The following STARD13 variants were observed in gnomAD, a reference collection of about 807,000 sequenced individuals.
STARD13 encodes StAR related lipid transfer domain containing 13, also known as stAR-related lipid transfer protein 13.
In STARD13, 62 loss-of-function variants were observed where a neutral mutation model predicts 106.4. That is an observed-to-expected ratio of 0.58 (90% CI 0.48 to 0.72). The LOEUF (loss-of-function observed/expected upper bound fraction) is 0.72, where lower values mean the gene tolerates loss of function less well. Ranked by LOEUF, STARD13 falls within the 30% of genes least tolerant of loss-of-function variation. The probability of loss-of-function intolerance (pLI) is 0.00; values close to 1 mark genes in which losing one functional copy is unlikely to be tolerated. For missense variants in STARD13, 1,387 were observed against 1,424.0 expected (o/e 0.97, Z 0.42); for synonymous variants, 565 against 553.0 (o/e 1.02, Z -0.31).
chr13:33,662,320 TC>T, the STARD13 span, among the ~76,000 whole-genome samples: 2 of 152,208 alleles, frequency 1.3e-5, no homozygotes, highest in Non-Finnish European at 2.9e-5. Context: ...TGTCTGGGTT[TC>T]CCAATCAGTT....
chr13:33,306,333 G>A (rs1319808695), intron 1 of STARD13, among the ~76,000 whole-genome samples: 3 of 152,016 alleles, frequency 2.0e-5, no homozygotes, highest in African/African-American at 4.8e-5. Context: ...AACTCAATAT[G>A]AATTAAATAC....
At chr13:33,155,037 C>T (rs1041064618) in intron 3 of STARD13, among the ~76,000 whole-genome samples, 2 of 152,046 alleles carry the variant, frequency 1.3e-5, no homozygotes, top group African/African-American at 4.8e-5. Flanking sequence ...ACTCTTAGTC[C>T]TCTCCTCACT....
At chr13:33,580,645 G>A in the STARD13 span, among the ~76,000 whole-genome samples, 1 of 151,964 alleles carries the variant, frequency 6.6e-6, no homozygotes, top group African/African-American at 2.4e-5. Flanking sequence ...TATTGTGGAG[G>A]GCAGCAGTAA....
chr13:33,515,733 G>T, the STARD13 span, among the ~76,000 whole-genome samples: 1 of 152,072 alleles, frequency 6.6e-6, no homozygotes, highest in African/African-American at 2.4e-5. Flanking sequence ...GAAAGTCCAC[G>T]GTGAGGGATA....
At position 33,300,372 on chromosome 13, in the gene STARD13, G is replaced by A. The variant is rs74447045; in HGVS notation, c.124+49918C>T. 3.9e-3 allele frequency among the ~76,000 whole-genome samples: 587 copies of A among 152,284 alleles called. 6 individuals carry two copies. The highest frequency in any genetic ancestry group is 0.014 in the African/African-American group (569 of 41,550). The stretch of plus-strand genomic sequence containing the variant: ...TAGAATAGGCCTCCTTCCATAGCTA[G>A]ATGTTTTCAATTTTATGTGGTCAAC... On this transcript the variant is annotated intron_variant, in intron 1 of 5. Coordinates refer to the STARD13 transcript ENST00000567873.
At chr13:33,189,135 G>A (rs553924827) in intron 1 of STARD13, among the ~76,000 whole-genome samples, 1 of 152,042 alleles carries the variant, frequency 6.6e-6, no homozygotes, top group East Asian at 1.9e-4. Flanking sequence ...TGAATAGCTC[G>A]ATGCTTCATA....
chr13:33,605,238 CAA>C, the STARD13 span, among the ~76,000 whole-genome samples: 68 of 84,744 alleles, frequency 8.0e-4, no homozygotes, highest in African/African-American at 1.4e-3. Context: ...GATCCTGTCT[CAA>C]AAAAAAAAAA....
chr13:33,272,339 G>T (rs769828382), intron 1 of STARD13, among the ~76,000 whole-genome samples: 1 of 152,202 alleles, frequency 6.6e-6, no homozygotes, highest in Non-Finnish European at 1.5e-5. Context: ...TGCTCAAGAA[G>T]TTTCAGATTC....
intron 1 of STARD13, among the ~76,000 whole-genome samples, chr13:33,316,854 A>T (rs1242507856): frequency 6.6e-6 from 1 of 152,170 alleles, no homozygotes; most frequent in African/African-American, 2.4e-5. Flanking sequence ...GTGCAACCAC[A>T]TTCATCAAGG....
chr13:33,647,960 TATCTC>T, the STARD13 span, among the ~76,000 whole-genome samples: 1 of 152,172 alleles, frequency 6.6e-6, no homozygotes, highest in Non-Finnish European at 1.5e-5. Flanking sequence ...AATATAGTCT[TATCTC>T]ATAAAGGACA....
the STARD13 span, among the ~76,000 whole-genome samples, chr13:33,576,741 A>G: frequency 6.6e-6 from 1 of 152,224 alleles, no homozygotes; most frequent in Non-Finnish European, 1.5e-5. Context: ...AAAATAATAT[A>G]GTGTGAGGGA....
chr13:33,554,895 T>C, the STARD13 span, among the ~76,000 whole-genome samples: 1 of 152,172 alleles, frequency 6.6e-6, no homozygotes, highest in Non-Finnish European at 1.5e-5. Flanking sequence ...TCCTAGTGTT[T>C]GGCACATTTT....
chr13:33,239,043 C>A (rs1254479348), intron 1 of STARD13, among the ~76,000 whole-genome samples: 1 of 152,002 alleles, frequency 6.6e-6, no homozygotes, highest in East Asian at 1.9e-4. Context: ...CCCCTCCCCC[C>A]CAGCCACTGA....
rs140180989 is a variant in STARD13 at position 33,323,872 on chromosome 13, T to C, written c.124+26418A>G. Among the ~76,000 whole-genome samples, 46 of 152,274 alleles carry C rather than the reference T, an allele frequency of 3.0e-4. 1 individual carries two copies. The highest frequency in any genetic ancestry group is 3.4e-3 in the Middle Eastern group (1 of 294). ...ATTCCCTTTTGGTCTGGTTTCACAG[T>C]CTCTACTGAGGGAAACAAAAACACG... On this transcript the variant is annotated intron_variant, in intron 1 of 5. Coordinates refer to the STARD13 transcript ENST00000567873.
At chr13:33,361,136 T>C in the STARD13 span, among the ~76,000 whole-genome samples, 1 of 150,152 alleles carries the variant, frequency 6.7e-6, no homozygotes, top group African/African-American at 2.5e-5. Context: ...TTACACTGAG[T>C]GTGCCTGCCT....
chr13:33,324,207 T>A (rs991288211), intron 1 of STARD13, among the ~76,000 whole-genome samples: 1 of 152,172 alleles, frequency 6.6e-6, no homozygotes, highest in African/African-American at 2.4e-5. Context: ...AGTAAGCAAA[T>A]CCATATTTGT....
chr13:33,588,691 T>G, the STARD13 span, among the ~76,000 whole-genome samples: 1 of 152,196 alleles, frequency 6.6e-6, no homozygotes, highest in Admixed American at 6.5e-5. Flanking sequence ...ACATCGCAAA[T>G]GTTATGTCCA....
chr13:33,249,262 A>G (rs1889979140), intron 1 of STARD13, among the ~76,000 whole-genome samples: 1 of 152,230 alleles, frequency 6.6e-6, no homozygotes, highest in African/African-American at 2.4e-5. Context: ...TCCAATCCTA[A>G]GAGAACACAC....
the STARD13 span, among the ~76,000 whole-genome samples, chr13:33,457,830 T>C: frequency 1.3e-5 from 2 of 152,192 alleles, no homozygotes; most frequent in African/African-American, 4.8e-5. Context: ...CACCTCCTAA[T>C]ACCATCATAT....
Sources: gnomAD v4.1 joint callset for allele counts (sites outside exome capture counted in the v4.1 genomes callset) on GRCh38, gnomAD v4.1.1 for gene constraint, MANE v1.5 for transcripts, NCBI Gene and HGNC (gene_info 2026-07-23, HGNC 2026-07-21) for gene names.